The following WWOX variants were observed in gnomAD, a reference collection of about 807,000 sequenced individuals.
WWOX encodes the protein WW domain-containing oxidoreductase.
A neutral mutation model predicts 46.2 loss-of-function variants in WWOX; 69 were observed. That is an observed-to-expected ratio of 1.49 (90% CI 1.23 to 1.82). The LOEUF (loss-of-function observed/expected upper bound fraction) is 1.82, where lower values mean the gene tolerates loss of function less well. WWOX is among the 40% of genes most tolerant of loss of function. The pLI is 0.00. For missense variants in WWOX, 919 were observed against 542.6 expected (o/e 1.69, Z -6.89); for synonymous variants, 359 against 202.6 (o/e 1.77, Z -6.56).
intron 8 of WWOX, among the ~76,000 whole-genome samples, chr16:78,734,044 A>C (rs1007293316): frequency 2.0e-5 from 3 of 151,846 alleles, no homozygotes; most frequent in African/African-American, 7.3e-5. Context: ...TGGGTGATAA[A>C]GTAAGATCCT....
chr16:78,501,422 C>T (rs371845356), intron 8 of WWOX, among the ~76,000 whole-genome samples: 4 of 151,964 alleles, frequency 2.6e-5, no homozygotes, highest in Non-Finnish European at 5.9e-5. Flanking sequence ...ATTGAGACAG[C>T]CTGCAAAATA....
intron 8 of WWOX, among the ~76,000 whole-genome samples, chr16:78,689,156 C>T (rs373935548): frequency 6.6e-6 from 1 of 152,156 alleles, no homozygotes; most frequent in Non-Finnish European, 1.5e-5. Context: ...AGGACTCCCA[C>T]CCTCTACTTC....
At chr16:78,874,897 C>T (rs973098301) in intron 8 of WWOX, among the ~76,000 whole-genome samples, 1 of 151,992 alleles carries the variant, frequency 6.6e-6, no homozygotes, top group Non-Finnish European at 1.5e-5. Flanking sequence ...CCCAAGAGCT[C>T]CCCTTCAAGC....
chr16:78,606,934 C>T (rs146962296), intron 8 of WWOX, among the ~76,000 whole-genome samples: 1 of 152,170 alleles, frequency 6.6e-6, no homozygotes, highest in East Asian at 1.9e-4. Context: ...GTTCACATCG[C>T]TGATTAATTA....
intron 8 of WWOX, among the ~76,000 whole-genome samples, chr16:78,814,107 C>G (rs1173492390): frequency 1.3e-5 from 2 of 152,198 alleles, no homozygotes; most frequent in African/African-American, 2.4e-5. Context: ...CAGTGCAGGA[C>G]AGTGTGTCAT....
intron 5 of WWOX, among the ~76,000 whole-genome samples, chr16:78,212,507 A>G (rs1437563359): frequency 1.3e-5 from 2 of 152,182 alleles, no homozygotes; most frequent in Non-Finnish European, 2.9e-5. Context: ...AAGTCCCATG[A>G]GGACTGATAG....
Position 78,657,190 on chromosome 16 carries a change from C to T in WWOX, c.1056+224438C>T, listed in dbSNP as rs1559289. On this transcript the variant is annotated intron_variant, in intron 8 of 8. Coordinates refer to ENST00000566780, the MANE Select transcript of WWOX (RefSeq NM_016373.4). The stretch of plus-strand genomic sequence containing the variant: ...ATCACTGAGGTTTGTCATTTTTACT[C>T]TGAGTCTGTCCATTGTCATCATCTC... Among the ~76,000 whole-genome samples, 12 of 152,184 alleles carry T rather than the reference C, an allele frequency of 7.9e-5. No homozygotes were observed. In the East Asian group the frequency reaches 9.6e-4, roughly 12 times the overall value.
intron 8 of WWOX, among the ~76,000 whole-genome samples, chr16:79,063,349 G>T (rs922977629): frequency 1.3e-5 from 2 of 152,140 alleles, no homozygotes; most frequent in African/African-American, 4.8e-5. Flanking sequence ...ATTTCCTGGC[G>T]TGCGTATCTT....
At chr16:78,758,149 A>G (rs984155819) in intron 8 of WWOX, among the ~76,000 whole-genome samples, 2 of 152,218 alleles carry the variant, frequency 1.3e-5, no homozygotes, top group South Asian at 2.1e-4. Flanking sequence ...TTAAAAGGAA[A>G]TGTTCTATTT....
intron 8 of WWOX, among the ~76,000 whole-genome samples, chr16:78,969,169 C>T (rs2062901): frequency 0.62 from 93,613 of 151,690 alleles, 29,073 homozygotes; most frequent in African/African-American, 0.66. Flanking sequence ...GGTCTGGGCA[C>T]TGAATTCAGT....
chr16:78,531,463 T>C (rs2043618980), intron 8 of WWOX, among the ~76,000 whole-genome samples: 1 of 152,226 alleles, frequency 6.6e-6, no homozygotes, highest in Admixed American at 6.5e-5. Flanking sequence ...TACTTTATTA[T>C]GTCATACCAA....
intron 8 of WWOX, among the ~76,000 whole-genome samples, chr16:78,659,727 T>C (rs992130458): frequency 2.0e-5 from 3 of 152,124 alleles, no homozygotes; most frequent in African/African-American, 7.2e-5. Context: ...CTTAGAAAAA[T>C]GACAATGTTC....
chr16:78,410,664 G>A (rs1407143765), intron 6 of WWOX, among the ~76,000 whole-genome samples: 1 of 151,824 alleles, frequency 6.6e-6, no homozygotes, highest in African/African-American at 2.4e-5. Flanking sequence ...AAATTAGTTG[G>A]GCATGGTGGC....
intron 8 of WWOX, among the ~76,000 whole-genome samples, chr16:78,679,821 A>C (rs1238830500): frequency 1.3e-5 from 2 of 152,168 alleles, no homozygotes; most frequent in Non-Finnish European, 2.9e-5. Context: ...AGAAAGAGAC[A>C]CTCAGAGTCA....
chr16:78,669,221 A>G (rs2047403793), intron 8 of WWOX, among the ~76,000 whole-genome samples: 1 of 152,212 alleles, frequency 6.6e-6, no homozygotes, highest in African/African-American at 2.4e-5. Context: ...GAGAAGCCCC[A>G]AAGAAGCTGG....
At chr16:78,278,865 G>A (rs927463579) in intron 5 of WWOX, among the ~76,000 whole-genome samples, 6 of 152,114 alleles carry the variant, frequency 3.9e-5, no homozygotes, top group Non-Finnish European at 7.4e-5. Context: ...TAAAGAAAAA[G>A]AGGGTGTTTT....
intron 5 of WWOX, among the ~76,000 whole-genome samples, chr16:78,261,839 C>G (rs996143092): frequency 2.7e-5 from 4 of 145,858 alleles, no homozygotes; most frequent in Non-Finnish European, 6.0e-5. Context: ...GGTGGGTTCT[C>G]GAATCACAGT....
intron 8 of WWOX, among the ~76,000 whole-genome samples, chr16:78,858,864 A>T (rs2052634009): frequency 6.6e-6 from 1 of 151,014 alleles, no homozygotes; most frequent in Non-Finnish European, 1.5e-5. Context: ...ACTTTTTTGT[A>T]GTTGGGGTCT....
chr16:78,710,209 G>A (rs957168857), intron 8 of WWOX, among the ~76,000 whole-genome samples: 11 of 151,794 alleles, frequency 7.2e-5, no homozygotes, highest in East Asian at 1.9e-4. Context: ...TCACCCAGTG[G>A]CGTGCACACT....
Sources: gnomAD v4.1 joint callset for allele counts (sites outside exome capture counted in the v4.1 genomes callset) on GRCh38, gnomAD v4.1.1 for gene constraint, MANE v1.5 for transcripts, NCBI Gene and HGNC (gene_info 2026-07-23, HGNC 2026-07-21) for gene names.